The following PRR14 variants were observed in gnomAD, a reference collection of about 807,000 sequenced individuals.
The protein encoded by PRR14 is proline-rich protein 14.
In PRR14, 33 loss-of-function variants were observed where a neutral mutation model predicts 57.2. That is an observed-to-expected ratio of 0.58 (90% CI 0.44 to 0.77). The LOEUF is 0.77. PRR14 is among the 30% of genes least tolerant of loss of function. The pLI, the probability that PRR14 is intolerant of heterozygous loss-of-function variation, is 0.00. For synonymous variants in PRR14, 303 were observed against 314.7 expected, an observed-to-expected ratio of 0.96 and a Z score of 0.39; for missense variants, 716 against 788.1, an observed-to-expected ratio of 0.91 and a Z score of 1.10.
In PRR14 at chr16:30,653,041, GCCC is replaced by G. The variant is rs760116143; in HGVS notation, c.446_448del (p.Pro149del). 47 of 1,613,640 alleles carry G rather than the reference GCCC, an allele frequency of 2.9e-5. No homozygotes were observed. The highest frequency in any genetic ancestry group is 3.7e-5 in the Non-Finnish European group (44 of 1,179,916). ...GGGCCCTTCACAAAAGGTGGACCGG[GCCC>G]CCCAGCCCACCCTGGTGGTGATGCT... On this transcript the variant is annotated inframe_deletion, in exon 5 of 12. Coordinates refer to ENST00000300835, the MANE Select transcript of PRR14 (RefSeq NM_024031.5).
Position 30,656,295 on chromosome 16 carries a change from A to G in PRR14, c.1742A>G (p.Gln581Arg), listed in dbSNP as rs969106119. 6.2e-7 allele frequency: 1 copy of G among 1,611,950 alleles called. No individual in the cohort carries two copies. Among genetic ancestry groups the G allele is most frequent in the Non-Finnish European group, 8.5e-7 (1 of 1,179,800 alleles). Residue 581 changes from glutamine to arginine, a missense_variant, in exon 12 of 12, where the codon CAG (glutamine) becomes CGG (arginine). Gln to Arg is a conservative substitution (Grantham distance 43). Transcript: ENST00000300835. ...GAGGAAGAAACAGTAGATCGGGAGC[A>G]GCCCCACTGGACCTAGGTGCCCCAT... ...LLEEETVDRE[Q>R]PHWT
In PRR14 at chr16:30,656,344, G is replaced by A. The variant is rs754641256; in HGVS notation, c.*33G>A. ...ATCTGTTGGTCATCCATCCTGAAGG[G>A]ACAGGAAACCTCCCAGGCAGTTATT... On this transcript the variant is annotated 3_prime_UTR_variant, in exon 12 of 12. Transcript: ENST00000300835. 9 of 1,566,988 alleles carry A rather than the reference G, an allele frequency of 5.7e-6. No individual in the cohort carries two copies. In the African/African-American group the frequency reaches 1.1e-4, roughly 19 times the overall value.
rs925961049 is a variant in PRR14, at chr16:30,651,214, G to T, written c.-51+87G>T. 8.8e-6 allele frequency: 3 copies of T among 341,116 alleles called. No individual in the cohort carries two copies. The highest frequency in any genetic ancestry group is 1.8e-5 in the Non-Finnish European group (3 of 163,854). The allele number at this position is 341,116 out of a possible 1,614,324, so 21.1% of individuals were successfully genotyped here. The stretch of plus-strand genomic sequence containing the variant: ...TATGGAGTATTGCTTTGGAGTCCTC[G>T]GCCACTCGCTGGGAGAGGAGGAGGA... On this transcript the variant is annotated intron_variant, in intron 1 of 11. Coordinates refer to ENST00000300835, the MANE Select transcript of PRR14 (RefSeq NM_024031.5). This position sits in a 1 kb window ranked among gnomAD's most constrained non-coding sequence, Gnocchi z 5.0.
chr16:30,656,404 A>G lies in PRR14; in HGVS notation c.*93A>G. On this transcript the variant is annotated 3_prime_UTR_variant, in exon 12 of 12. Coordinates refer to ENST00000300835, the MANE Select transcript of PRR14 (RefSeq NM_024031.5). ...CTATATTTCTAGTAAAGTTTTCGAT[A>G]TGTTTCTGATTCTTTTGTATCTCTA... 2.5e-6 allele frequency: 3 copies of G among 1,210,828 alleles called. No homozygotes were observed. The highest frequency in any genetic ancestry group is 2.5e-5 in the East Asian group (1 of 39,436). 75.0% of individuals were successfully genotyped at this position (1,210,828 alleles called of 1,614,324 possible). A position where few individuals can be genotyped will look rare whatever the true frequency, so the allele number is the denominator to read the frequency against.
At chr16:30,650,900 G>C (rs192000673), upstream of PRR14, 836 of 421,912 alleles carry the variant, frequency 2.0e-3, 3 homozygotes, top group African/African-American at 0.014. Flanking sequence ...GTCCCGGGCC[G>C]GGGGAGACCG....
At position 30,651,566 on chromosome 16, in the gene PRR14, C is replaced by CCCCG; in HGVS notation, c.-50-28_-50-25dup. ...CCCAGGGAAGGGGCCGGCCCTCACC[C>CCCCG]CCCGCTCCCCCGCTCCCCCCTTACC... On this transcript the variant is annotated intron_variant, in intron 1 of 11. Coordinates refer to ENST00000300835, the MANE Select transcript of PRR14 (RefSeq NM_024031.5). This position sits in a 1 kb window ranked among gnomAD's most constrained non-coding sequence, Gnocchi z 5.0. 1 of 853,622 alleles carries CCCCG rather than the reference C, an allele frequency of 1.2e-6. No individual in the cohort carries two copies. Among genetic ancestry groups the CCCCG allele is most frequent in the Non-Finnish European group, 1.7e-6 (1 of 575,714 alleles). The allele number at this position is 853,622 out of a possible 1,614,324, so 52.9% of individuals were successfully genotyped here. A position where few individuals can be genotyped will look rare whatever the true frequency, so the allele number is the denominator to read the frequency against.
At position 30,651,899 on chromosome 16, in the gene PRR14, C is replaced by A. The variant is rs761866966; in HGVS notation, c.127C>A (p.Pro43Thr). The A allele has an allele frequency of 6.3e-7, 1 of 1,599,938 alleles. No homozygotes were observed. Among genetic ancestry groups the A allele is most frequent in the East Asian group, 2.2e-5 (1 of 44,694 alleles). Reference protein sequence around the residue: ...PRLQLPGAPSPLEKASRRVLA... With the variant: ...PRLQLPGAPSTLEKASRRVLA... Reference sequence around the variant, plus strand: ...GCTGCAGCTCCCGGGGGCCCCTTCTCCCCTGGAAAAGGCCTCTCGGCGGGT... The same window carrying A: ...GCTGCAGCTCCCGGGGGCCCCTTCTACCCTGGAAAAGGCCTCTCGGCGGGT... Residue 43 changes from proline (P) to threonine (T), a missense_variant, in exon 3 of 12, where the codon CCC becomes ACC. Transcript: ENST00000300835. The surrounding 1 kb of genome is among the most constrained non-coding windows in gnomAD (Gnocchi z 5.0).
At position 30,651,588 on chromosome 16, in the gene PRR14, T is replaced by G; in HGVS notation, c.-50-8T>G. ...ACCCCCCGCTCCCCCGCTCCCCCCT[T>G]ACCCCAGGCCGCAGCCTGGGATTCC... On this transcript the variant is annotated splice_region_variant and splice_polypyrimidine_tract_variant and intron_variant, in intron 1 of 11. Coordinates refer to ENST00000300835, the MANE Select transcript of PRR14 (RefSeq NM_024031.5). The surrounding 1 kb of genome is among the most constrained non-coding windows in gnomAD (Gnocchi z 5.0). 7 of 1,086,340 alleles carry G rather than the reference T, an allele frequency of 6.4e-6. No individual in the cohort carries two copies. The highest frequency in any genetic ancestry group is 7.7e-6 in the Non-Finnish European group (6 of 780,298). The allele number at this position is 1,086,340 out of a possible 1,614,324, so 67.3% of individuals were successfully genotyped here.
At position 30,654,317 on chromosome 16, in the gene PRR14, C is replaced by T; in HGVS notation, c.636C>T (p.Asp212=). The stretch of plus-strand genomic sequence containing the variant: ...TCCAGCCATCTGCTCTGCCTGCAGA[C>T]CCTCTGGAGAGCCCACCAACAGGTA... ...PPFQPSALPA[D]PLESPPTAPD... is the part of the protein sequence containing the mutation. Residue 212 remains aspartate, a synonymous_variant, in exon 7 of 12, where the codon GAC becomes GAT. Transcript: ENST00000300835. 1 of 1,613,816 alleles carries T rather than the reference C, an allele frequency of 6.2e-7. No homozygotes were observed. Among genetic ancestry groups the T allele is most frequent in the Non-Finnish European group, 8.5e-7 (1 of 1,179,744 alleles).
Position 30,651,788 on chromosome 16 carries a change from C to T in PRR14, c.24-8C>T, listed in dbSNP as rs780034749. 1.7e-5 allele frequency: 27 copies of T among 1,606,662 alleles called. No homozygotes were observed. In the Middle Eastern group the frequency reaches 4.9e-4, roughly 29 times the overall value. ...GGGCGACCGTCCTCTGCTTCTTTCA[C>T]CCTCCAGCCCGCCTGGCCAGCCGCG... On this transcript the variant is annotated splice_region_variant and splice_polypyrimidine_tract_variant and intron_variant, in intron 2 of 11. Coordinates refer to ENST00000300835, the MANE Select transcript of PRR14 (RefSeq NM_024031.5). The surrounding 1 kb of genome is among the most constrained non-coding windows in gnomAD (Gnocchi z 5.0).
chr16:30,650,815 C>A, upstream of PRR14: 1 of 309,672 alleles, frequency 3.2e-6, no homozygotes, highest in Non-Finnish European at 6.8e-6. Flanking sequence ...CGGTGAGCAG[C>A]CCTTGGGGGA....
chr16:30,654,128 C>CAA (rs370614424), intron 6 of PRR14, 102 bp from the exon 7 acceptor site: 1,512 of 673,142 alleles, frequency 2.2e-3, no homozygotes, highest in African/African-American at 3.3e-3. Context: ...GGCTCTGTCT[C>CAA]AAAAAAAAAA....
chr16:30,654,384 C>A, intron 7 of PRR14, 45 bp downstream of exon 7: 1 of 1,487,762 alleles, frequency 6.7e-7, no homozygotes, highest in Admixed American at 1.7e-5. Context: ...GTGTCTGGGA[C>A]ATCCTAGTTG....
At chr16:30,654,185 G>A (rs754812447) in intron 6 of PRR14, 45 bp from the exon 7 acceptor site, 2 of 1,389,674 alleles carry the variant, frequency 1.4e-6, no homozygotes, top group Non-Finnish European at 2.0e-6. Flanking sequence ...GCTCAGGTGG[G>A]ATACCTGGAA....
At position 30,656,326 on chromosome 16, in the gene PRR14, G is replaced by C; in HGVS notation, c.*15G>C. On this transcript the variant is annotated 3_prime_UTR_variant, in exon 12 of 12. Transcript: ENST00000300835. Reference sequence around the variant, plus strand: ...ACTGGACCTAGGTGCCCCATCTGTTGGTCATCCATCCTGAAGGGACAGGAA... The same window carrying C: ...ACTGGACCTAGGTGCCCCATCTGTTCGTCATCCATCCTGAAGGGACAGGAA... 9 of 1,602,442 alleles carry C rather than the reference G, an allele frequency of 5.6e-6. No individual in the cohort carries two copies. The highest frequency in any genetic ancestry group is 7.6e-6 in the Non-Finnish European group (9 of 1,177,230).
At position 30,656,124 on chromosome 16, in the gene PRR14, G is replaced by A. The variant is rs758551892; in HGVS notation, c.1571G>A (p.Arg524Gln). 8.3e-6 allele frequency: 13 copies of A among 1,573,538 alleles called. No homozygotes were observed. The highest frequency in any genetic ancestry group is 1.7e-4 in the Middle Eastern group (1 of 5,860). Reference protein sequence around the residue: ...SRKLRRAVEFRDSSLPRSRRP... With the variant: ...SRKLRRAVEFQDSSLPRSRRP... ...AAGCTCCGGCGGGCTGTGGAATTTC[G>A]GGACAGCAGCCTTCCTCGATCACGA... The change falls in exon 12 of 12, where the codon CGG (arginine) becomes CAG (glutamine). Residue 524 changes from arginine (R) to glutamine (Q), a missense_variant. By Grantham distance (43) the Arg-to-Gln change is conservative (BLOSUM62 1). Transcript: ENST00000300835.
chr16:30,655,459 C>A lies in PRR14; in HGVS notation c.1314+39C>A. The A allele has an allele frequency of 1.2e-6, 2 of 1,613,400 alleles. No homozygotes were observed. Among genetic ancestry groups the A allele is most frequent in the Non-Finnish European group, 1.7e-6 (2 of 1,179,314 alleles). On this transcript the variant is annotated intron_variant, in intron 9 of 11. Coordinates refer to ENST00000300835, the MANE Select transcript of PRR14 (RefSeq NM_024031.5). The surrounding 1 kb of genome is among the most constrained non-coding windows in gnomAD (Gnocchi z 4.6). ...TCGGGTAGAAGAGACTAGTGGGGGC[C>A]TGAGCCCATGTCACTCTTTCACCCT...
Position 30,656,147 on chromosome 16 carries a change from C to A in PRR14, c.1594C>A (p.Arg532=), listed in dbSNP as rs968269730. Reference sequence around the variant, plus strand: ...TCGGGACAGCAGCCTTCCTCGATCACGAAGACCGTCCCGTGGGGTCCGGGC... The same window carrying A: ...TCGGGACAGCAGCCTTCCTCGATCAAGAAGACCGTCCCGTGGGGTCCGGGC... ...EFRDSSLPRS[R]RPSRGVRAAG... The change falls in exon 12 of 12, where the codon CGA becomes AGA. Residue 532 remains arginine (R), a synonymous_variant. Transcript: ENST00000300835. The A allele has an allele frequency of 1.3e-6, 2 of 1,583,118 alleles. No homozygotes were observed. Among genetic ancestry groups the A allele is most frequent in the Non-Finnish European group, 1.7e-6 (2 of 1,166,086 alleles).
chr16:30,654,738 G>T lies in PRR14; in HGVS notation c.768G>T (p.Lys256Asn). 5 of 1,613,680 alleles carry T rather than the reference G, an allele frequency of 3.1e-6. No homozygotes were observed. The highest frequency in any genetic ancestry group is 4.2e-6 in the Non-Finnish European group (5 of 1,179,960). ...CGCTCTTCCGTTCCGTCCGCTCCAA[G>T]CTGGAGAGCTTTGCTGACATCTTCC... is the stretch of plus-strand genomic sequence containing the variant. ...LAPLFRSVRS[K>N]LESFADIFLT... is the part of the protein sequence containing the mutation. Residue 256 changes from lysine (K) to asparagine (N), a missense_variant, in exon 8 of 12, where the codon AAG becomes AAT. Lys to Asn is a moderately conservative substitution (Grantham distance 94). Coordinates refer to ENST00000300835, the MANE Select transcript of PRR14 (RefSeq NM_024031.5).
Sources: gnomAD v4.1 joint callset for allele counts on GRCh38, gnomAD v4.1.1 for gene constraint, Gnocchi (gnomAD v3.1) non-coding constraint, MANE v1.5 for transcripts, NCBI Gene and HGNC (gene_info 2026-07-23, HGNC 2026-07-21) for gene names.